Variants in ZNF155 observed in about 807,000 individuals in gnomAD.
The protein encoded by ZNF155 is KRAB A domain.
Under a neutral mutation model 11.9 loss-of-function variants are expected in ZNF155, and 15 were observed. The observed-to-expected ratio is 1.26, with a 90% CI of 0.84 to 1.94. The LOEUF (loss-of-function observed/expected upper bound fraction) is 1.94, where lower values mean the gene tolerates loss of function less well. ZNF155 is among the 30% of genes most tolerant of loss of function. The pLI is 0.00. For synonymous variants in ZNF155, 212 were observed against 219.9 expected, an observed-to-expected ratio of 0.96 and a Z score of 0.32; for missense variants, 602 against 639.1, an observed-to-expected ratio of 0.94 and a Z score of 0.63.
chr19:43,987,324 A>G (rs1975498934), intron 1 of ZNF155, among the ~76,000 whole-genome samples: 1 of 152,158 alleles, frequency 6.6e-6, no homozygotes, highest in Non-Finnish European at 1.5e-5. Context: ...TACTCGTCAC[A>G]TTTCTGTCTT....
intron 1 of ZNF155, among the ~76,000 whole-genome samples, chr19:43,985,499 C>T (rs977039763): frequency 3.3e-5 from 5 of 151,340 alleles, no homozygotes; most frequent in African/African-American, 1.2e-4. Flanking sequence ...ATTTACGCCA[C>T]ACCATGGCTC....
intron 1 of ZNF155, among the ~76,000 whole-genome samples, chr19:43,987,360 C>A (rs1975500072): frequency 6.6e-6 from 1 of 152,164 alleles, no homozygotes; most frequent in South Asian, 2.1e-4. Context: ...ATTTCACAGC[C>A]TTTTTCTTTA....
At position 43,988,441 on chromosome 19, in the gene ZNF155, A is replaced by G. The variant is rs1408748118; in HGVS notation, c.-85-18A>G. On this transcript the variant is annotated intron_variant, in intron 1 of 4. Coordinates refer to ENST00000270014, the MANE Select transcript of ZNF155 (RefSeq NM_198089.3). ...ATTCATGGGCTAATTCACAACACAC[A>G]TCTCTCTTTTTCTGCAGACTGTGGC... 18 of 1,284,418 alleles carry G rather than the reference A, an allele frequency of 1.4e-5. No homozygotes were observed. The highest frequency in any genetic ancestry group is 6.2e-5 in the Admixed American group (3 of 48,170). 79.6% of individuals were successfully genotyped at this position (1,284,418 alleles called of 1,614,324 possible).
At position 43,991,552 on chromosome 19, in the gene ZNF155, C is replaced by T; in HGVS notation, c.20C>T (p.Ala7Val). 6.2e-7 allele frequency: 1 copy of T among 1,614,060 alleles called. No homozygotes were observed. Among genetic ancestry groups the T allele is most frequent in the Non-Finnish European group, 8.5e-7 (1 of 1,180,002 alleles). MTTFKE[A>V]VTFKDVAVVF... is the part of the protein sequence containing the mutation. ...TATGTCTTCTTGATGTTGTAGGAGG[C>T]AGTGACCTTCAAGGATGTGGCTGTG... The change falls in exon 3 of 5, where the codon GCA becomes GTA. Residue 7 changes from alanine to valine, a missense_variant. Physicochemically the swap from Ala to Val is moderately conservative, Grantham distance 64 (BLOSUM62 0). Coordinates refer to ENST00000270014, the MANE Select transcript of ZNF155 (RefSeq NM_198089.3).
intron 1 of ZNF155, among the ~76,000 whole-genome samples, chr19:43,987,123 A>G (rs1975488187): frequency 6.6e-6 from 1 of 152,236 alleles, no homozygotes; most frequent in South Asian, 2.1e-4. Context: ...ATCTGTTTAA[A>G]AAACTACTAA....
chr19:43,985,483 A>G (rs1240919668), intron 1 of ZNF155, among the ~76,000 whole-genome samples: 1 of 151,982 alleles, frequency 6.6e-6, no homozygotes, highest in Non-Finnish European at 1.5e-5. Context: ...TTATGGAAAT[A>G]AATACATTTA....
Position 43,996,349 on chromosome 19 carries a change from T to C in ZNF155, c.492T>C (p.Asp164=), listed in dbSNP as rs1975860750. The C allele has an allele frequency of 4.3e-6, 7 of 1,614,224 alleles. No homozygotes were observed. Among genetic ancestry groups the C allele is most frequent in the Non-Finnish European group, 5.9e-6 (7 of 1,180,032 alleles). Residue 164 remains aspartate (D), a synonymous_variant, in exon 5 of 5, where the codon GAT becomes GAC. Coordinates refer to ENST00000270014, the MANE Select transcript of ZNF155 (RefSeq NM_198089.3). The stretch of plus-strand genomic sequence containing the variant: ...CCATCAGTGATGTTCCCATCTTTGA[T>C]CTTCCTCAGCAGTTATACTCAGAAG... ...KQSISDVPIF[D]LPQQLYSEEK... is the part of the protein sequence containing the mutation.
chr19:43,994,017 C>G (rs1044802457), intron 4 of ZNF155, among the ~76,000 whole-genome samples: 1 of 152,210 alleles, frequency 6.6e-6, no homozygotes, highest in African/African-American at 2.4e-5. Flanking sequence ...TCCTGCTTGT[C>G]ATGATGCTGT....
chr19:43,988,658 C>G, intron 2 of ZNF155, 100 bp downstream of exon 2: 1 of 1,305,004 alleles, frequency 7.7e-7, no homozygotes, highest in Non-Finnish European at 1.0e-6. Flanking sequence ...GGAAAACAGG[C>G]ATTTGGGGAC....
intron 4 of ZNF155, among the ~76,000 whole-genome samples, chr19:43,994,828 T>C (rs533958556): frequency 6.6e-6 from 1 of 152,252 alleles, no homozygotes; most frequent in East Asian, 1.9e-4. Flanking sequence ...GATTCCTAGG[T>C]GGTTAATCAG....
In ZNF155 at chr19:43,997,412, A is replaced by T; in HGVS notation, c.1555A>T (p.Arg519Ter). 6.2e-7 allele frequency: 1 copy of T among 1,608,880 alleles called. No individual in the cohort carries two copies. The highest frequency in any genetic ancestry group is 8.5e-7 in the Non-Finnish European group (1 of 1,178,750). Reference protein sequence around the residue: ...ENPSKCEDCGRRYKRRLNLDI... With the variant: ...ENPSKCEDCG ...CCCATCCAAATGTGAGGATTGTGGG[A>T]GACGCTACAAGAGGCGCTTGAATCT... The change falls in exon 5 of 5, where the codon AGA (arginine) becomes TGA (stop). Residue 519 changes from arginine to a stop codon, truncating the protein, a stop_gained. Transcript: ENST00000270014. LOFTEE classifies it high-confidence loss of function.
In ZNF155 at chr19:43,997,750, G is replaced by A; in HGVS notation, c.*276G>A. On this transcript the variant is annotated 3_prime_UTR_variant, in exon 5 of 5. Transcript: ENST00000270014. ...GGCACTGATAAGGGAACTAGCACAGGGGATTGTGCCTGGAGACATGCCCAT... is the reference window on the plus strand; with the variant it reads ...GGCACTGATAAGGGAACTAGCACAGAGGATTGTGCCTGGAGACATGCCCAT... 2.9e-6 allele frequency: 1 copy of A among 346,320 alleles called. No individual in the cohort carries two copies. The highest frequency in any genetic ancestry group is 5.2e-6 in the Non-Finnish European group (1 of 191,466). 21.5% of individuals were successfully genotyped at this position (346,320 alleles called of 1,614,324 possible).
rs1240570974 is a variant in ZNF155 at position 43,996,768 on chromosome 19, A to G, written c.911A>G (p.Lys304Arg). The G allele has an allele frequency of 6.2e-7, 1 of 1,614,220 alleles. No individual in the cohort carries two copies. Among genetic ancestry groups the G allele is most frequent in the Non-Finnish European group, 8.5e-7 (1 of 1,180,028 alleles). Residue 304 changes from lysine (K) to arginine (R), a missense_variant, in exon 5 of 5, where the codon AAG (lysine) becomes AGG (arginine). Lys to Arg is a conservative substitution (Grantham distance 26). Coordinates refer to ENST00000270014, the MANE Select transcript of ZNF155 (RefSeq NM_198089.3). ...ACCTTCTATTTTAGGTCAAGACTTA[A>G]GAGCCATTCCATGGTTCACACAGGA... ...GKTFYFRSRL[K>R]SHSMVHTGEK... is the part of the protein sequence containing the mutation.
At chr19:43,990,034 CTG>C in intron 2 of ZNF155, 1 of 1,488,674 alleles carries the variant, frequency 6.7e-7, no homozygotes. Context: ...ATTACCAAGA[CTG>C]TGGGAATACT....
At chr19:43,985,866 T>C (rs1367552903) in intron 1 of ZNF155, among the ~76,000 whole-genome samples, 1 of 151,980 alleles carries the variant, frequency 6.6e-6, no homozygotes. Context: ...AATATGGGAG[T>C]GAGACACCTG....
In ZNF155 at chr19:43,997,190, T is replaced by C; in HGVS notation, c.1333T>C (p.Leu445=). The C allele has an allele frequency of 6.2e-7, 1 of 1,613,972 alleles. No homozygotes were observed. Among genetic ancestry groups the C allele is most frequent in the Non-Finnish European group, 8.5e-7 (1 of 1,179,970 alleles). ...KGYVTKFNLD[L]HQRVHTGERP... ...CTATGTTACTAAGTTTAATCTTGAC[T>C]TGCACCAGAGGGTCCACACGGGAGA... Residue 445 remains leucine, a synonymous_variant, in exon 5 of 5, where the codon TTG becomes CTG. Coordinates refer to ENST00000270014, the MANE Select transcript of ZNF155 (RefSeq NM_198089.3).
At chr19:43,993,913 G>A (rs1448898285) in intron 4 of ZNF155, among the ~76,000 whole-genome samples, 1 of 152,158 alleles carries the variant, frequency 6.6e-6, no homozygotes, top group Non-Finnish European at 1.5e-5. Context: ...GCCATAGTAA[G>A]AAGCACATAT....
chr19:43,996,241 T>C lies in ZNF155; in HGVS notation c.384T>C (p.Gly128=). ...IINNSQFFEN[G]DVPSQVEAGL... ...ATAACTCTCAGTTCTTTGAAAATGG[T>C]GATGTCCCCTCCCAGGTTGAAGCAG... Residue 128 remains glycine (G), a synonymous_variant, in exon 5 of 5, where the codon GGT becomes GGC. Coordinates refer to ENST00000270014, the MANE Select transcript of ZNF155 (RefSeq NM_198089.3). 6.2e-7 allele frequency: 1 copy of C among 1,614,174 alleles called. No individual in the cohort carries two copies. Among genetic ancestry groups the C allele is most frequent in the Non-Finnish European group, 8.5e-7 (1 of 1,180,024 alleles).
In ZNF155 at chr19:43,997,760, C is replaced by A; in HGVS notation, c.*286C>A. On this transcript the variant is annotated 3_prime_UTR_variant, in exon 5 of 5. Transcript: ENST00000270014. ...AGGGAACTAGCACAGGGGATTGTGC[C>A]TGGAGACATGCCCATGGCTGCACAG... 1 of 323,364 alleles carries A rather than the reference C, an allele frequency of 3.1e-6. No homozygotes were observed. Among genetic ancestry groups the A allele is most frequent in the Non-Finnish European group, 5.6e-6 (1 of 177,770 alleles). 20.0% of individuals were successfully genotyped at this position (323,364 alleles called of 1,614,324 possible). A position where few individuals can be genotyped will look rare whatever the true frequency, so the allele number is the denominator to read the frequency against.
Sources: gnomAD v4.1 joint callset for allele counts (sites outside exome capture counted in the v4.1 genomes callset) on GRCh38, gnomAD v4.1.1 for gene constraint, MANE v1.5 for transcripts, NCBI Gene and HGNC (gene_info 2026-07-23, HGNC 2026-07-21) for gene names.